The following RORB variants were observed in gnomAD, a reference collection of about 807,000 sequenced individuals.
RORB encodes the protein nuclear receptor ROR-beta.
A neutral mutation model predicts 59.1 loss-of-function variants in RORB; 6 were observed. The observed-to-expected ratio is 0.10, with a 90% confidence interval of 0.06 to 0.20. RORB has a LOEUF of 0.20. Ranked by LOEUF, RORB falls within the 10% of genes least tolerant of loss-of-function variation. The probability of loss-of-function intolerance (pLI) is 1.00; values close to 1 mark genes in which losing one functional copy is unlikely to be tolerated. For missense variants in RORB, 320 were observed against 560.5 expected (o/e 0.57, Z 4.33); for synonymous variants, 215 against 204.5 (o/e 1.05, Z -0.44).
intron 1 of RORB, among the ~76,000 whole-genome samples, chr9:74,598,542 G>A (rs1823008194): frequency 6.6e-6 from 1 of 151,940 alleles, no homozygotes; most frequent in South Asian, 2.1e-4. Context: ...TATATTTGTG[G>A]GTACAAAGTT....
intron 8 of RORB, among the ~76,000 whole-genome samples, chr9:74,669,858 A>G (rs1302217321): frequency 6.6e-6 from 1 of 152,228 alleles, no homozygotes; most frequent in East Asian, 1.9e-4. Flanking sequence ...TGTCATCATA[A>G]CTGTATTTTC....
At chr9:74,593,721 T>C (rs577022577) in intron 1 of RORB, among the ~76,000 whole-genome samples, 1 of 152,156 alleles carries the variant, frequency 6.6e-6, no homozygotes, top group African/African-American at 2.4e-5. Flanking sequence ...CAGTGAACAA[T>C]GTTGCTGCAG....
chr9:74,664,651 C>G (rs1306609331), intron 6 of RORB, among the ~76,000 whole-genome samples: 1 of 152,136 alleles, frequency 6.6e-6, no homozygotes, highest in Non-Finnish European at 1.5e-5. Context: ...AGCCTCTATG[C>G]TAGGTGACGT....
intron 4 of RORB, among the ~76,000 whole-genome samples, chr9:74,647,745 G>A (rs1024948701): frequency 5.3e-5 from 8 of 152,132 alleles, no homozygotes; most frequent in African/African-American, 1.9e-4. Flanking sequence ...GCCTAAAAGC[G>A]ATCTAGTCCC....
chr9:74,660,146 T>C (rs1002519176), intron 4 of RORB, among the ~76,000 whole-genome samples: 4 of 152,252 alleles, frequency 2.6e-5, no homozygotes, highest in African/African-American at 7.2e-5. Flanking sequence ...ACATAGCCTT[T>C]CTTTTAGTTT....
Position 74,642,606 on chromosome 9 carries a change from A to C in RORB, c.428A>C (p.Asn143Thr). 1 of 1,614,242 alleles carries C rather than the reference A, an allele frequency of 6.2e-7. No individual in the cohort carries two copies. Among genetic ancestry groups the C allele is most frequent in the Non-Finnish European group, 8.5e-7 (1 of 1,180,042 alleles). Residue 143 changes from asparagine (N) to threonine (T), a missense_variant, in exon 4 of 10, where the codon AAC (asparagine) becomes ACC (threonine). By Grantham distance (65) the Asn-to-Thr change is moderately conservative. Around this residue, in one of 4 missense-constraint regions of RORB, gnomAD observed 134 missense variants for 156.2 expected, o/e 0.86. Transcript: ENST00000376896. ...LNNETSGTYA[N>T]GHVIDLPKSE... ...AACGAGACCAGCGGCACTTATGCCA[A>C]CGGGCACGTCATTGACCTGCCCAAG...
intron 3 of RORB, among the ~76,000 whole-genome samples, chr9:74,637,087 C>A (rs34177511): frequency 0.095 from 14,393 of 152,190 alleles, 782 homozygotes; most frequent in South Asian, 0.21. Context: ...GAATCCCTAC[C>A]TTCTTCTGAT....
intron 1 of RORB, among the ~76,000 whole-genome samples, chr9:74,577,572 G>C: frequency 6.6e-6 from 1 of 152,020 alleles, no homozygotes; most frequent in South Asian, 2.1e-4. Context: ...ATGATAGATG[G>C]CTCCAAAACC....
chr9:74,617,093 C>CT (rs1375271159), intron 1 of RORB, among the ~76,000 whole-genome samples: 5 of 151,648 alleles, frequency 3.3e-5, no homozygotes, highest in African/African-American at 1.2e-4. Context: ...ACCCGCTCCC[C>CT]CCGCAAAAAA....
chr9:74,653,708 C>A (rs932302101), intron 4 of RORB, among the ~76,000 whole-genome samples: 1 of 152,180 alleles, frequency 6.6e-6, no homozygotes, highest in African/African-American at 2.4e-5. Context: ...ATATACTCAA[C>A]TTTCCCCACT....
intron 1 of RORB, among the ~76,000 whole-genome samples, chr9:74,510,310 C>A (rs1825918843): frequency 6.6e-6 from 1 of 152,136 alleles, no homozygotes; most frequent in Non-Finnish European, 1.5e-5. Flanking sequence ...AGATTGTACA[C>A]TTATCTCAGG....
At chr9:74,573,203 G>A (rs375444903) in intron 1 of RORB, among the ~76,000 whole-genome samples, 1 of 151,992 alleles carries the variant, frequency 6.6e-6, no homozygotes, top group Admixed American at 6.6e-5. Flanking sequence ...TGCCATTTTG[G>A]ACATTTAATT....
At chr9:74,580,935 T>C (rs371934426) in intron 1 of RORB, among the ~76,000 whole-genome samples, 1 of 152,128 alleles carries the variant, frequency 6.6e-6, no homozygotes, top group Non-Finnish European at 1.5e-5. Flanking sequence ...AAATACTCCA[T>C]TGAATCTCCA....
Position 74,631,480 on chromosome 9 carries a change from C to T in RORB, c.93+1113C>T, listed in dbSNP as rs117150026. On this transcript the variant is annotated intron_variant, in intron 2 of 9. Coordinates refer to ENST00000376896, the MANE Select transcript of RORB (RefSeq NM_006914.4). ...TAGAGTCTTAAGATCTAATCTTAAT[C>T]TTAAACAGGATTTCAAATATAAACA... Among the ~76,000 whole-genome samples, 142 of 152,246 alleles carry T rather than the reference C, an allele frequency of 9.3e-4. 3 individuals are homozygous for T. The East Asian group carries it at 0.026, about 27-fold the overall frequency.
chr9:74,599,456 T>TA, intron 1 of RORB, among the ~76,000 whole-genome samples: 1 of 152,282 alleles, frequency 6.6e-6, no homozygotes, highest in East Asian at 1.9e-4. Flanking sequence ...TTTCTGACAT[T>TA]ATGAGTGCTA....
At chr9:74,528,598 A>G (rs1826190325) in intron 1 of RORB, among the ~76,000 whole-genome samples, 1 of 152,018 alleles carries the variant, frequency 6.6e-6, no homozygotes. Flanking sequence ...CTGTGAGCCT[A>G]ATTGGGTTTT....
At chr9:74,499,180 G>T (rs1825768476) in intron 1 of RORB, 1 of 152,410 alleles carries the variant, frequency 6.6e-6, no homozygotes, top group South Asian at 2.1e-4. Context: ...CTTGACAACA[G>T]AAAGTTAGTA....
intron 1 of RORB, among the ~76,000 whole-genome samples, chr9:74,555,302 C>T (rs1420110978): frequency 3.3e-5 from 5 of 152,162 alleles, no homozygotes; most frequent in East Asian, 3.9e-4. Flanking sequence ...ACAGTGGGGA[C>T]CTTTGTCCTA....
At chr9:74,585,070 G>A (rs1043199136) in intron 1 of RORB, among the ~76,000 whole-genome samples, 1 of 152,176 alleles carries the variant, frequency 6.6e-6, no homozygotes, top group Non-Finnish European at 1.5e-5. Flanking sequence ...TAATGGCAGA[G>A]CCACCCAACC....
Sources: allele counts gnomAD v4.1 joint callset (sites outside exome capture counted in the v4.1 genomes callset), GRCh38; gene constraint gnomAD v4.1.1; regional missense constraint gnomAD v4.1.1; transcripts MANE v1.5; gene names NCBI Gene and HGNC (gene_info 2026-07-23, HGNC 2026-07-21).